The following MAST4 variants were observed in gnomAD, a reference collection of about 807,000 sequenced individuals.
MAST4 encodes microtubule associated serine/threonine kinase family member 4, also known as microtubule-associated serine/threonine-protein kinase 4.
In MAST4, 89 loss-of-function variants were observed where a neutral mutation model predicts 162.7. That is an observed-to-expected ratio of 0.55 (90% CI 0.46 to 0.65). The LOEUF (loss-of-function observed/expected upper bound fraction) is 0.65. Ranked by LOEUF, MAST4 falls within the 30% of genes least tolerant of loss-of-function variation. The pLI, the probability that MAST4 is intolerant of heterozygous loss-of-function variation, is 0.00. For synonymous variants in MAST4, 1,479 were observed against 1,361.1 expected, an observed-to-expected ratio of 1.09 and a Z score of -1.91; for missense variants, 3,153 against 3,374.0, an observed-to-expected ratio of 0.93 and a Z score of 1.62.
rs1751207561 is a variant in MAST4, at chr5:66,721,493, A to G, written c.364-38216A>G. Among the ~76,000 whole-genome samples, 4 of 149,876 alleles carry G rather than the reference A, an allele frequency of 2.7e-5. No individual in the cohort carries two copies. In the South Asian group the frequency reaches 8.4e-4, roughly 31 times the overall value. On this transcript the variant is annotated intron_variant, in intron 1 of 28. Coordinates refer to ENST00000403625, the MANE Select transcript of MAST4 (RefSeq NM_001164664.2). ...CAAGTCTTAGTTGTCTTCCTAACTC[A>G]CTAGTTGCTCCTTCTCACTCTCCTT...
At chr5:67,144,860 A>G in intron 22 of MAST4, 64 bp downstream of exon 22, 1 of 1,525,362 alleles carries the variant, frequency 6.6e-7, no homozygotes. Flanking sequence ...CTTAAACTTT[A>G]GTGAGCATCA....
At chr5:66,680,314 A>G (rs1748245405) in intron 1 of MAST4, among the ~76,000 whole-genome samples, 1 of 152,176 alleles carries the variant, frequency 6.6e-6, no homozygotes, top group South Asian at 2.1e-4. Flanking sequence ...GTTGTCTTAG[A>G]AGAAAATAAG....
chr5:66,960,849 G>C (rs936672257), intron 4 of MAST4, among the ~76,000 whole-genome samples: 3 of 152,038 alleles, frequency 2.0e-5, no homozygotes, highest in Non-Finnish European at 4.4e-5. Flanking sequence ...TGATTAGAAG[G>C]ACTGAATTAT....
intron 14 of MAST4, 54 bp downstream of exon 14, chr5:67,121,156 A>G: frequency 7.4e-7 from 1 of 1,352,478 alleles, no homozygotes; most frequent in East Asian, 2.5e-5. Context: ...CAAGTGATAT[A>G]TTTATTCTTA....
At chr5:67,034,538 A>G (rs1016301482) in intron 4 of MAST4, among the ~76,000 whole-genome samples, 1 of 152,170 alleles carries the variant, frequency 6.6e-6, no homozygotes, top group African/African-American at 2.4e-5. Context: ...CTGAAATGTC[A>G]GACACTGCAG....
At chr5:66,644,882 G>T (rs771460815) in intron 1 of MAST4, among the ~76,000 whole-genome samples, 8 of 150,836 alleles carry the variant, frequency 5.3e-5, no homozygotes, top group Non-Finnish European at 5.9e-5. Context: ...TTTTAATTTT[G>T]GGAGGTAATT....
At chr5:67,144,610 GT>G in intron 21 of MAST4, 58 bp from the exon 22 acceptor site, 1 of 1,569,418 alleles carries the variant, frequency 6.4e-7, no homozygotes, top group Non-Finnish European at 8.7e-7. Context: ...GACTTGGAGT[GT>G]TTTTCTGACA....
At chr5:67,119,622 G>A (rs1322611151) in intron 13 of MAST4, among the ~76,000 whole-genome samples, 1 of 152,206 alleles carries the variant, frequency 6.6e-6, no homozygotes, top group Non-Finnish European at 1.5e-5. Flanking sequence ...GTATCACATA[G>A]TAAGTGCTAA....
At chr5:66,991,264 T>C (rs1484803078) in intron 4 of MAST4, among the ~76,000 whole-genome samples, 1 of 152,220 alleles carries the variant, frequency 6.6e-6, no homozygotes, top group Non-Finnish European at 1.5e-5. Flanking sequence ...ATGGCTCATA[T>C]TTACGAAATG....
chr5:67,014,851 G>T (rs1312802770), intron 4 of MAST4, among the ~76,000 whole-genome samples: 19 of 152,128 alleles, frequency 1.2e-4, no homozygotes, highest in Non-Finnish European at 2.6e-4. Context: ...TTCTTGTAGA[G>T]GAAGCTCTTT....
chr5:67,149,121 A>G (rs893982464), intron 23 of MAST4, among the ~76,000 whole-genome samples: 11 of 152,328 alleles, frequency 7.2e-5, no homozygotes, highest in African/African-American at 2.6e-4. Flanking sequence ...TCCTCTGGTT[A>G]CATGGAGTCA....
chr5:66,708,331 T>C (rs886430325), intron 1 of MAST4, among the ~76,000 whole-genome samples: 18 of 152,230 alleles, frequency 1.2e-4, no homozygotes, highest in Admixed American at 1.2e-3. Flanking sequence ...GGTGATAATA[T>C]CTCTATCACT....
At chr5:66,666,826 A>G (rs960878851) in intron 1 of MAST4, among the ~76,000 whole-genome samples, 2 of 152,230 alleles carry the variant, frequency 1.3e-5, no homozygotes, top group Non-Finnish European at 2.9e-5. Flanking sequence ...AAATTTTGGA[A>G]TAAACTTTTG....
At chr5:66,920,102 AG>A (rs1764433066) in intron 4 of MAST4, among the ~76,000 whole-genome samples, 1 of 147,436 alleles carries the variant, frequency 6.8e-6, no homozygotes, top group African/African-American at 2.5e-5. Context: ...AGTAGCAAAG[AG>A]GAAAGTAATT....
At chr5:66,928,003 A>G (rs1765031731) in intron 4 of MAST4, among the ~76,000 whole-genome samples, 1 of 152,118 alleles carries the variant, frequency 6.6e-6, no homozygotes, top group Admixed American at 6.5e-5. Flanking sequence ...CTGTACGTCT[A>G]TCCCTGTGTC....
chr5:67,058,614 T>G (rs1759160311), intron 5 of MAST4, among the ~76,000 whole-genome samples: 1 of 152,228 alleles, frequency 6.6e-6, no homozygotes, highest in South Asian at 2.1e-4. Context: ...TGGGCTTTCA[T>G]GTGCTGGTAT....
chr5:67,164,493 C>T lies in MAST4; in HGVS notation c.5314C>T (p.Pro1772Ser). The change falls in exon 29 of 29, where the codon CCT becomes TCT. Residue 1772 changes from proline to serine, a missense_variant. Transcript: ENST00000403625. This position sits in a 1 kb window ranked among gnomAD's most constrained non-coding sequence, Gnocchi z 5.3. ...TGRVDSGTEK[P>S]GLVAPESPVR... is the part of the protein sequence containing the mutation. The stretch of plus-strand genomic sequence containing the variant: ...CCGGGTGGACAGTGGAACGGAGAAG[C>T]CTGGCTTGGTTGCTCCTGAGTCCCC... 2 of 1,614,018 alleles carry T rather than the reference C, an allele frequency of 1.2e-6. No individual in the cohort carries two copies. Among genetic ancestry groups the T allele is most frequent in the Non-Finnish European group, 1.7e-6 (2 of 1,179,884 alleles).
intron 27 of MAST4, among the ~76,000 whole-genome samples, chr5:67,161,671 C>CGAGTA (rs1474185372): frequency 1.3e-5 from 2 of 152,070 alleles, no homozygotes; most frequent in Non-Finnish European, 2.9e-5. Context: ...GAGAAAAATT[C>CGAGTA]GAGTAGAGGA....
intron 4 of MAST4, among the ~76,000 whole-genome samples, chr5:66,952,732 AC>A (rs1056713337): frequency 9.9e-5 from 15 of 152,076 alleles, no homozygotes; most frequent in African/African-American, 3.6e-4. Context: ...ACCGTCAGAG[AC>A]TTTACAATCG....
Sources: gnomAD v4.1 joint callset for allele counts (sites outside exome capture counted in the v4.1 genomes callset) on GRCh38, gnomAD v4.1.1 for gene constraint, Gnocchi (gnomAD v3.1) non-coding constraint, MANE v1.5 for transcripts, NCBI Gene and HGNC (gene_info 2026-07-23, HGNC 2026-07-21) for gene names.